LRRCC1: variants seen among roughly 807,000 people sequenced by gnomAD.
LRRCC1 encodes leucine-rich repeat and coiled-coil domain-containing protein 1.
A neutral mutation model predicts 126.0 loss-of-function variants in LRRCC1; 115 were observed. The observed-to-expected ratio is 0.91, with a 90% CI of 0.78 to 1.07. The LOEUF is 1.07. Ranked by LOEUF, LRRCC1 falls within the 50% of genes least tolerant of loss-of-function variation. The pLI is 0.00. For missense variants in LRRCC1, 1,172 were observed against 1,175.7 expected (o/e 1.00, Z 0.05); for synonymous variants, 400 against 393.4 (o/e 1.02, Z -0.20).
chr8:85,111,040 T>G (rs751283301), intron 3 of LRRCC1, among the ~76,000 whole-genome samples: 1 of 152,216 alleles, frequency 6.6e-6, no homozygotes. Flanking sequence ...GTATTTCAAT[T>G]TTTTAAAACC....
chr8:85,144,984 G>A (rs1811564077), intron 18 of LRRCC1, among the ~76,000 whole-genome samples: 1 of 150,460 alleles, frequency 6.6e-6, no homozygotes, highest in Non-Finnish European at 1.5e-5. Flanking sequence ...GGAGGCTGAG[G>A]CAGGAGAATA....
At chr8:85,129,789 TAATTTATTA>T in intron 10 of LRRCC1, 121 bp from the exon 11 acceptor site, 3 of 672,594 alleles carry the variant, frequency 4.5e-6, no homozygotes, top group Non-Finnish European at 4.7e-6. Flanking sequence ...GTAACATCAT[TAATTTATTA>T]AAGTTTGAAA....
chr8:85,109,832 G>T, intron 2 of LRRCC1, 32 bp downstream of exon 2: 1 of 1,183,344 alleles, frequency 8.5e-7, no homozygotes, highest in Non-Finnish European at 1.2e-6. Context: ...AACACTTAGC[G>T]TAAGGAAAAT....
In LRRCC1 at chr8:85,129,337, A is replaced by C. The variant is rs368528392; in HGVS notation, c.1584A>C (p.Leu528Phe). 2.5e-6 allele frequency: 4 copies of C among 1,612,786 alleles called. No individual in the cohort carries two copies. The highest frequency in any genetic ancestry group is 3.4e-6 in the Non-Finnish European group (4 of 1,179,726). Reference sequence around the variant, plus strand: ...ACTTAAGAACCCTCGAAAAAACATTAGAAAAAATGGAGAGACAAAAAAGGC... The same window carrying C: ...ACTTAAGAACCCTCGAAAAAACATTCGAAAAAATGGAGAGACAAAAAAGGC... ...LKHLRTLEKT[L>F]EKMERQKRQQ... Residue 528 changes from leucine to phenylalanine, a missense_variant, in exon 10 of 19, where the codon TTA becomes TTC. Physicochemically the swap from Leu to Phe is conservative, Grantham distance 22 (BLOSUM62 0). Transcript: ENST00000360375.
intron 7 of LRRCC1, 86 bp from the exon 8 acceptor site, chr8:85,124,706 G>C (rs1809834419): frequency 2.6e-6 from 2 of 765,758 alleles, no homozygotes; most frequent in African/African-American, 1.8e-5. Flanking sequence ...AAAGCTGTTT[G>C]CATATACAAC....
Position 85,124,801 on chromosome 8 carries a change from TA to T in LRRCC1, c.1138del (p.Met380Ter). The T allele has an allele frequency of 6.4e-7, 1 of 1,554,576 alleles. No individual in the cohort carries two copies. Among genetic ancestry groups the T allele is most frequent in the East Asian group, 2.3e-5 (1 of 43,542 alleles). ...GTTTCATTCTTTACAGTTGTAATCG[TA>T]AAATGAAACCACCTTACCTTAAAGA... ...NYNSFVSCNR[K>X]MKPPYLKELY... is the part of the protein sequence containing the mutation. On this transcript the variant is annotated frameshift_variant, in exon 8 of 19. Coordinates refer to ENST00000360375, the MANE Select transcript of LRRCC1 (RefSeq NM_033402.5). LOFTEE classifies it high-confidence loss of function.
rs747949137 is a variant in LRRCC1 at position 85,130,089 on chromosome 8, G to A, written c.1766+31G>A. On this transcript the variant is annotated intron_variant, in intron 11 of 18. Coordinates refer to ENST00000360375, the MANE Select transcript of LRRCC1 (RefSeq NM_033402.5). Reference sequence around the variant, plus strand: ...TGAAAAATGTATCAGGAATGTATTGGCATTTAAAAAAAGAAAAAGAAAGCT... The same window carrying A: ...TGAAAAATGTATCAGGAATGTATTGACATTTAAAAAAAGAAAAAGAAAGCT... 3.2e-5 allele frequency: 48 copies of A among 1,486,540 alleles called. No individual in the cohort carries two copies. The South Asian group carries it at 4.2e-4, about 13-fold the overall frequency. 92.1% of individuals were successfully genotyped at this position (1,486,540 alleles called of 1,614,324 possible).
intron 4 of LRRCC1, among the ~76,000 whole-genome samples, chr8:85,114,892 G>A (rs1808984738): frequency 6.6e-6 from 1 of 152,096 alleles, no homozygotes; most frequent in South Asian, 2.1e-4. Context: ...TGAGAGGGAT[G>A]GAGAGTGGAG....
chr8:85,131,793 T>C lies in LRRCC1; in HGVS notation c.1800T>C (p.Asp600=), dbSNP rs1810487683. 6.2e-7 allele frequency: 1 copy of C among 1,613,620 alleles called. No homozygotes were observed. The highest frequency in any genetic ancestry group is 8.5e-7 in the Non-Finnish European group (1 of 1,179,810). Residue 600 remains aspartate, a synonymous_variant, in exon 12 of 19, where the codon GAT becomes GAC. Coordinates refer to ENST00000360375, the MANE Select transcript of LRRCC1 (RefSeq NM_033402.5). ...KELETREFFT[D]ADFQDALAKE... ...TTGAAACAAGGGAGTTTTTTACTGATGCTGACTTCCAGGATGCCTTAGCTA... is the reference window on the plus strand; with the variant it reads ...TTGAAACAAGGGAGTTTTTTACTGACGCTGACTTCCAGGATGCCTTAGCTA...
rs1810483971 is a variant in LRRCC1, at chr8:85,131,764, G to A, written c.1771G>A (p.Glu591Lys). Reference sequence around the variant, plus strand: ...TTTATATGTTTTTCACTCCAGGAAGGAACTTGAAACAAGGGAGTTTTTTAC... The same window carrying A: ...TTTATATGTTTTTCACTCCAGGAAGAAACTTGAAACAAGGGAGTTTTTTAC... Reference protein sequence around the residue: ...LALKEQEHRKELETREFFTDA... With the variant: ...LALKEQEHRKKLETREFFTDA... The change falls in exon 12 of 19, where the codon GAA becomes AAA. Residue 591 changes from glutamate (E) to lysine (K), a missense_variant. By Grantham distance (56) the Glu-to-Lys change is moderately conservative. Coordinates refer to ENST00000360375, the MANE Select transcript of LRRCC1 (RefSeq NM_033402.5). 2 of 1,610,836 alleles carry A rather than the reference G, an allele frequency of 1.2e-6. No homozygotes were observed. The highest frequency in any genetic ancestry group is 1.3e-5 in the African/African-American group (1 of 74,620).
At position 85,145,686 on chromosome 8, in the gene LRRCC1, T is replaced by C; in HGVS notation, c.*175T>C. ...ATTTATTAATTGTATAGGTTTTTTATAATAAATTGTTGACAATTTTGTCTA... is the reference window on the plus strand; with the variant it reads ...ATTTATTAATTGTATAGGTTTTTTACAATAAATTGTTGACAATTTTGTCTA... On this transcript the variant is annotated 3_prime_UTR_variant, in exon 19 of 19. Coordinates refer to ENST00000360375, the MANE Select transcript of LRRCC1 (RefSeq NM_033402.5). The C allele has an allele frequency of 2.4e-6, 1 of 418,022 alleles. No homozygotes were observed. Among genetic ancestry groups the C allele is most frequent in the South Asian group, 6.0e-5 (1 of 16,708 alleles). The allele number at this position is 418,022 out of a possible 1,614,324, so 25.9% of individuals were successfully genotyped here.
At chr8:85,110,473 T>C (rs554311540) in intron 3 of LRRCC1, among the ~76,000 whole-genome samples, 1 of 152,332 alleles carries the variant, frequency 6.6e-6, no homozygotes, top group South Asian at 2.1e-4. Flanking sequence ...TGTACTGTTA[T>C]ATAGAGAAGA....
At chr8:85,108,342 A>AT (rs1808428197) in intron 1 of LRRCC1, among the ~76,000 whole-genome samples, 2 of 152,212 alleles carry the variant, frequency 1.3e-5, no homozygotes, top group Non-Finnish European at 2.9e-5. Flanking sequence ...TGCATGTTAT[A>AT]TACATTATCA....
chr8:85,130,112 G>C, intron 11 of LRRCC1, 54 bp downstream of exon 11: 321 of 1,129,962 alleles, frequency 2.8e-4, no homozygotes, highest in Non-Finnish European at 3.5e-4. Flanking sequence ...GAAAAAGAAA[G>C]CTACTGGTTC....
chr8:85,145,343 C>T (rs1275758897), intron 18 of LRRCC1, 46 bp from the exon 19 acceptor site: 4 of 1,374,138 alleles, frequency 2.9e-6, no homozygotes, highest in South Asian at 3.1e-5. Context: ...TTTAAAAATA[C>T]ATTTTCTTTA....
intron 18 of LRRCC1, among the ~76,000 whole-genome samples, chr8:85,143,735 T>C (rs150824110): frequency 2.4e-4 from 36 of 152,216 alleles, no homozygotes; most frequent in African/African-American, 7.7e-4. Flanking sequence ...ACTAAATAAG[T>C]TAATAGTAAT....
chr8:85,114,767 A>G (rs768409995), intron 4 of LRRCC1, among the ~76,000 whole-genome samples: 4 of 152,116 alleles, frequency 2.6e-5, no homozygotes, highest in Non-Finnish European at 4.4e-5. Flanking sequence ...AAAATAAAAG[A>G]CATGTTTAGC....
At chr8:85,132,375 CTTTTTTTTTTT>C (rs551423793) in intron 12 of LRRCC1, among the ~76,000 whole-genome samples, 56,644 of 110,534 alleles carry the variant, frequency 0.51, 8,814 homozygotes, top group Middle Eastern at 0.65. Flanking sequence ...TGAGTACTTT[CTTTTTTTTTTT>C]TTTTTTTTTT....
intron 18 of LRRCC1, among the ~76,000 whole-genome samples, chr8:85,145,126 T>TATATATAC (rs1554679361): frequency 2.8e-4 from 42 of 149,764 alleles, no homozygotes; most frequent in South Asian, 6.3e-4. Context: ...TGTATATATA[T>TATATATAC]ATATATATAG....
Sources: allele counts gnomAD v4.1 joint callset (sites outside exome capture counted in the v4.1 genomes callset), GRCh38; gene constraint gnomAD v4.1.1; transcripts MANE v1.5; gene names NCBI Gene and HGNC (gene_info 2026-07-23, HGNC 2026-07-21).